The following PSMC5 variants were observed in gnomAD, a reference collection of about 807,000 sequenced individuals.
PSMC5 encodes 26S proteasome regulatory subunit 8.
In PSMC5, 11 loss-of-function variants were observed where a neutral mutation model predicts 49.1. The ratio of observed to expected loss-of-function variants is 0.22; its 90% CI spans 0.14 to 0.37. PSMC5 has a LOEUF of 0.37. Ranked by LOEUF, PSMC5 falls within the 10% of genes least tolerant of loss-of-function variation. The pLI, the probability that PSMC5 is intolerant of heterozygous loss-of-function variation, is 1.00. For missense variants in PSMC5, 229 were observed against 520.9 expected (o/e 0.44, Z 5.45); for synonymous variants, 206 against 192.2 (o/e 1.07, Z -0.59).
chr17:63,829,738 T>A, intron 3 of PSMC5, 114 bp from the exon 4 acceptor site: 1 of 1,304,536 alleles, frequency 7.7e-7, no homozygotes, highest in South Asian at 1.2e-5. Flanking sequence ...ATACATGAAT[T>A]TTGACCTTTG....
intron 1 of PSMC5, 36 bp downstream of exon 1, chr17:63,827,550 G>C: frequency 6.4e-7 from 1 of 1,551,582 alleles, no homozygotes; most frequent in Non-Finnish European, 8.7e-7. Context: ...GCAGGTTACG[G>C]GGCTGGGTGC....
At chr17:63,829,290 T>G (rs2040152006) in intron 2 of PSMC5, 13 of 557,340 alleles carry the variant, frequency 2.3e-5, no homozygotes. Context: ...ACAAGCAGCC[T>G]TCTTTGATGG....
At chr17:63,829,774 T>C in intron 3 of PSMC5, 78 bp from the exon 4 acceptor site, 1 of 1,449,284 alleles carries the variant, frequency 6.9e-7, no homozygotes, top group Non-Finnish European at 9.7e-7. Context: ...GAGTGATGCT[T>C]AGCTCATGCA....
rs1160771055 is a variant in PSMC5 at position 63,831,220 on chromosome 17, C to T, written c.864C>T (p.Asn288=). The change falls in exon 8 of 12, where the codon AAC becomes AAT. Residue 288 remains asparagine, a synonymous_variant. Coordinates refer to ENST00000310144, the MANE Select transcript of PSMC5 (RefSeq NM_002805.6). This position sits in a 1 kb window ranked among gnomAD's most constrained non-coding sequence, Gnocchi z 6.3. ...NQLDGFEATK[N]IKVIMATNRI... Reference sequence around the variant, plus strand: ...TCGACGGCTTTGAGGCCACCAAGAACATCAAGGTAAGGTGGTAGCATCCTT... The same window carrying T: ...TCGACGGCTTTGAGGCCACCAAGAATATCAAGGTAAGGTGGTAGCATCCTT... 5 of 1,578,480 alleles carry T rather than the reference C, an allele frequency of 3.2e-6. No individual in the cohort carries two copies. Among genetic ancestry groups the T allele is most frequent in the Admixed American group, 1.8e-5 (1 of 55,726 alleles).
rs1228867189 is a variant in PSMC5 at position 63,829,854 on chromosome 17, C to T, written c.169C>T (p.Arg57Cys). The change falls in exon 4 of 12, where the codon CGC becomes TGC. Residue 57 changes from arginine to cysteine, a missense_variant and splice_region_variant. Coordinates refer to ENST00000310144, the MANE Select transcript of PSMC5 (RefSeq NM_002805.6). ...CACTGTGTCTGTTTGCCATCTAGTTCGCCTATTGCGGGAGGAGCTACAGCT... is the reference window on the plus strand; with the variant it reads ...CACTGTGTCTGTTTGCCATCTAGTTTGCCTATTGCGGGAGGAGCTACAGCT... ...AQRNELNAKV[R>C]LLREELQLLQ... 4.3e-6 allele frequency: 7 copies of T among 1,614,078 alleles called. No individual in the cohort carries two copies. The highest frequency in any genetic ancestry group is 1.7e-5 in the Admixed American group (1 of 60,022).
In PSMC5 at chr17:63,829,563, G is replaced by A; in HGVS notation, c.166G>A (p.Val56Ile). The A allele has an allele frequency of 6.4e-7, 1 of 1,553,554 alleles. No homozygotes were observed. The highest frequency in any genetic ancestry group is 8.7e-7 in the Non-Finnish European group (1 of 1,147,946). Reference sequence around the variant, plus strand: ...ACAGAGGAACGAACTAAATGCTAAAGGTGAGTGGAGAAAGATGGGAAGCCG... The same window carrying A: ...ACAGAGGAACGAACTAAATGCTAAAAGTGAGTGGAGAAAGATGGGAAGCCG... ...QAQRNELNAK[V>I]RLLREELQLL... Residue 56 changes from valine to isoleucine, a missense_variant and splice_region_variant, in exon 3 of 12, where the codon GTT becomes ATT. Around this residue, in one of 4 missense-constraint regions of PSMC5, gnomAD observed 98 missense variants for 144.0 expected, o/e 0.68. Transcript: ENST00000310144.
chr17:63,829,583 A>T lies in PSMC5; in HGVS notation c.166+20A>T, dbSNP rs1598354022. On this transcript the variant is annotated intron_variant, in intron 3 of 11. Coordinates refer to ENST00000310144, the MANE Select transcript of PSMC5 (RefSeq NM_002805.6). ...CTAAAGGTGAGTGGAGAAAGATGGG[A>T]AGCCGCATGTGGGCAGTTTGTCTGA... The T allele has an allele frequency of 1.2e-5, 19 of 1,552,196 alleles. No homozygotes were observed. The highest frequency in any genetic ancestry group is 1.7e-5 in the Non-Finnish European group (19 of 1,147,148).
Position 63,830,688 on chromosome 17 carries a change from G to A in PSMC5, c.553-121G>A, listed in dbSNP as rs2040172542. ...AGGTGGTTTGGATAGAAGGGACCTT[G>A]ATGTTCCTTTTTTTTTTTTGTATCC... On this transcript the variant is annotated intron_variant, in intron 6 of 11. Transcript: ENST00000310144. The surrounding 1 kb of genome is among the most constrained non-coding windows in gnomAD (Gnocchi z 4.0). 1 of 1,384,892 alleles carries A rather than the reference G, an allele frequency of 7.2e-7. No individual in the cohort carries two copies. The highest frequency in any genetic ancestry group is 9.4e-7 in the Non-Finnish European group (1 of 1,064,200). The allele number at this position is 1,384,892 out of a possible 1,614,324, so 85.8% of individuals were successfully genotyped here. A position where few individuals can be genotyped will look rare whatever the true frequency, so the allele number is the denominator to read the frequency against.
chr17:63,829,710 C>A, intron 3 of PSMC5, 142 bp from the exon 4 acceptor site: 1 of 1,197,694 alleles, frequency 8.3e-7, no homozygotes. Flanking sequence ...TTCCTGAGCC[C>A]TATTGTAGCC....
At position 63,830,622 on chromosome 17, in the gene PSMC5, C is replaced by T; in HGVS notation, c.552+121C>T. On this transcript the variant is annotated intron_variant, in intron 6 of 11. Coordinates refer to ENST00000310144, the MANE Select transcript of PSMC5 (RefSeq NM_002805.6). The surrounding 1 kb of genome is among the most constrained non-coding windows in gnomAD (Gnocchi z 4.0). ...CTGCATCTTGCTTGGGCTGGCCCTC[C>T]CCCTGAAAAGAGTGGCTGGGGAAGT... 1 of 1,495,184 alleles carries T rather than the reference C, an allele frequency of 6.7e-7. No individual in the cohort carries two copies. The highest frequency in any genetic ancestry group is 2.5e-5 in the East Asian group (1 of 40,658). The allele number at this position is 1,495,184 out of a possible 1,614,324, so 92.6% of individuals were successfully genotyped here.
rs778513198 is a variant in PSMC5 at position 63,831,476 on chromosome 17, G to A, written c.970-30G>A. Reference sequence around the variant, plus strand: ...GGCTCTGGCTGTGGGGGTGGGGTGTGGGGCTCAGGCTTTTCCTTGCCATCT... The same window carrying A: ...GGCTCTGGCTGTGGGGGTGGGGTGTAGGGCTCAGGCTTTTCCTTGCCATCT... On this transcript the variant is annotated intron_variant, in intron 9 of 11. Transcript: ENST00000310144. This position sits in a 1 kb window ranked among gnomAD's most constrained non-coding sequence, Gnocchi z 6.3. The A allele has an allele frequency of 3.7e-6, 6 of 1,612,924 alleles. No homozygotes were observed. Among genetic ancestry groups the A allele is most frequent in the South Asian group, 1.1e-5 (1 of 91,078 alleles).
rs1200742324 is a variant in PSMC5 at position 63,831,380 on chromosome 17, A to G, written c.924A>G (p.Pro308=). 1.2e-6 allele frequency: 2 copies of G among 1,614,038 alleles called. No individual in the cohort carries two copies. Among genetic ancestry groups the G allele is most frequent in the East Asian group, 2.2e-5 (1 of 44,882 alleles). ...IDILDSALLR[P]GRIDRKIEFP... ...TCCTGGACTCGGCACTGCTTCGCCC[A>G]GGGCGCATTGACAGAAAAATTGAAT... Residue 308 remains proline (P), a synonymous_variant, in exon 9 of 12, where the codon CCA becomes CCG. Transcript: ENST00000310144. This position sits in a 1 kb window ranked among gnomAD's most constrained non-coding sequence, Gnocchi z 6.3.
At position 63,829,833 on chromosome 17, in the gene PSMC5, G is replaced by GT. The variant is rs762502756; in HGVS notation, c.167-18dup. 32 of 1,612,644 alleles carry GT rather than the reference G, an allele frequency of 2.0e-5. No individual in the cohort carries two copies. Among genetic ancestry groups the GT allele is most frequent in the Non-Finnish European group, 2.5e-5 (30 of 1,178,790 alleles). On this transcript the variant is annotated intron_variant, in intron 3 of 11. Transcript: ENST00000310144. Reference sequence around the variant, plus strand: ...CCAAAGGAGTAGCTAGGTGACCACTGTGTCTGTTTGCCATCTAGTTCGCCT... The same window carrying GT: ...CCAAAGGAGTAGCTAGGTGACCACTGTTGTCTGTTTGCCATCTAGTTCGCCT...
intron 2 of PSMC5, chr17:63,829,285 C>T (rs2040151917): frequency 3.6e-6 from 2 of 551,838 alleles, no homozygotes; most frequent in Non-Finnish European, 6.5e-6. Flanking sequence ...ATTGGACAAG[C>T]AGCCTTCTTT....
At chr17:63,829,353 C>A in intron 2 of PSMC5, 141 bp from the exon 3 acceptor site, 1 of 722,350 alleles carries the variant, frequency 1.4e-6, no homozygotes. Flanking sequence ...TCATTAGGAT[C>A]ATACTGGAGA....
chr17:63,829,415 C>A, intron 2 of PSMC5, 79 bp from the exon 3 acceptor site: 1 of 1,324,742 alleles, frequency 7.5e-7, no homozygotes, highest in Non-Finnish European at 1.1e-6. Context: ...TCATTCAGAC[C>A]TGTGAGGTCT....
intron 2 of PSMC5, 45 bp downstream of exon 2, chr17:63,828,254 G>A: frequency 3.2e-6 from 5 of 1,574,046 alleles, no homozygotes; most frequent in Non-Finnish European, 4.4e-6. Context: ...GATGATGGGG[G>A]ATGGAAACGG....
Position 63,830,154 on chromosome 17 carries a change from G to A in PSMC5, c.286G>A (p.Val96Ile). 2 of 1,614,106 alleles carry A rather than the reference G, an allele frequency of 1.2e-6. No individual in the cohort carries two copies. Among genetic ancestry groups the A allele is most frequent in the Non-Finnish European group, 1.7e-6 (2 of 1,179,990 alleles). ...LVKVHPEGKF[V>I]VDVDKNIDIN... ...TTAGGTACATCCTGAAGGTAAATTT[G>A]TTGTAGACGTGGACAAAAACATTGA... The change falls in exon 5 of 12, where the codon GTT becomes ATT. Residue 96 changes from valine to isoleucine, a missense_variant. Val to Ile is a conservative substitution (Grantham distance 29). Coordinates refer to ENST00000310144, the MANE Select transcript of PSMC5 (RefSeq NM_002805.6). This position sits in a 1 kb window ranked among gnomAD's most constrained non-coding sequence, Gnocchi z 4.0.
rs766117339 is a variant in PSMC5 at position 63,830,784 on chromosome 17, C to T, written c.553-25C>T. On this transcript the variant is annotated intron_variant, in intron 6 of 11. Coordinates refer to ENST00000310144, the MANE Select transcript of PSMC5 (RefSeq NM_002805.6). The surrounding 1 kb of genome is among the most constrained non-coding windows in gnomAD (Gnocchi z 4.0). ...TGAAATGAGGGGTGTAGCTTTCTGC[C>T]CTGAGTCCTGCTGTTCCCCTGTAGG... 1 of 1,613,154 alleles carries T rather than the reference C, an allele frequency of 6.2e-7. No individual in the cohort carries two copies. Among genetic ancestry groups the T allele is most frequent in the Non-Finnish European group, 8.5e-7 (1 of 1,179,626 alleles).
Sources: gnomAD v4.1 joint callset for allele counts on GRCh38, gnomAD v4.1.1 for gene constraint, gnomAD v4.1.1 regional missense constraint, Gnocchi (gnomAD v3.1) non-coding constraint, MANE v1.5 for transcripts, NCBI Gene and HGNC (gene_info 2026-07-23, HGNC 2026-07-21) for gene names.